The following FOXO3 variants were observed in gnomAD, a reference collection of about 807,000 sequenced individuals.
The protein encoded by FOXO3 is forkhead box O3, also known as forkhead box protein O3.
In FOXO3, 4 loss-of-function variants were observed where a neutral mutation model predicts 41.9. The ratio of observed to expected loss-of-function variants is 0.10; its 90% CI spans 0.05 to 0.22. The LOEUF is 0.22. FOXO3 is among the 10% of genes least tolerant of loss of function. The pLI is 1.00. For synonymous variants in FOXO3, 318 were observed against 389.3 expected (o/e 0.82, Z 2.16); for missense variants, 534 against 906.8 (o/e 0.59, Z 5.28).
intron 1 of FOXO3, among the ~76,000 whole-genome samples, chr6:108,659,315 G>T (rs7751752): frequency 0.035 from 5,313 of 152,170 alleles, 313 homozygotes; most frequent in African/African-American, 0.12. Context: ...TCTTAAATGT[G>T]AAATGATTCT....
At chr6:108,677,587 C>T (rs1770663778) in intron 2 of FOXO3, among the ~76,000 whole-genome samples, 1 of 152,194 alleles carries the variant, frequency 6.6e-6, no homozygotes. Context: ...TAGTACTTTA[C>T]AGCTTCTCCC....
rs574058187 is a variant in FOXO3 at position 108,663,921 on chromosome 6, C to T, written c.1088C>T (p.Thr363Met). The change falls in exon 2 of 3, where the codon ACG becomes ATG. Residue 363 changes from threonine to methionine, a missense_variant. Physicochemically the swap from Thr to Met is moderately conservative, Grantham distance 81. Around this residue, in one of 8 missense-constraint regions of FOXO3, gnomAD observed 185 missense variants for 224.9 expected, o/e 0.82. Transcript: ENST00000406360. The stretch of plus-strand genomic sequence containing the variant: ...TCACCTTCAGTAAGCAAGCCGTGCA[C>T]GGTGGAACTGCCACGGCTGACTGAT... ...SLSPSVSKPC[T>M]VELPRLTDMA... 5.1e-5 allele frequency: 82 copies of T among 1,614,216 alleles called. 1 individual carries two copies. The East Asian group carries it at 1.2e-3, about 23-fold the overall frequency.
At position 108,663,611 on chromosome 6, in the gene FOXO3, T is replaced by C. The variant is rs1483153826; in HGVS notation, c.778T>C (p.Tyr260His). The change falls in exon 2 of 3, where the codon TAT becomes CAT. Residue 260 changes from tyrosine (Y) to histidine (H), a missense_variant. Coordinates refer to ENST00000406360, the MANE Select transcript of FOXO3 (RefSeq NM_001455.4). ...TGTCTCCATGGACAATAGCAACAAG[T>C]ATACCAAGAGCCGTGGCCGCGCAGC... ...RAVSMDNSNK[Y>H]TKSRGRAAKK... The C allele has an allele frequency of 1.2e-6, 2 of 1,613,448 alleles. No homozygotes were observed. The highest frequency in any genetic ancestry group is 1.1e-5 in the South Asian group (1 of 91,048).
intron 1 of FOXO3, among the ~76,000 whole-genome samples, chr6:108,573,130 C>CA (rs1455635190): frequency 6.6e-6 from 1 of 151,982 alleles, no homozygotes; most frequent in Non-Finnish European, 1.5e-5. Flanking sequence ...ACTAAAAATA[C>CA]AAAAAAATTA....
At chr6:108,659,250 A>C (rs1582823414) in intron 1 of FOXO3, among the ~76,000 whole-genome samples, 1 of 152,188 alleles carries the variant, frequency 6.6e-6, no homozygotes, top group Non-Finnish European at 1.5e-5. Context: ...AATACCCGTA[A>C]CTATTTCATA....
intron 1 of FOXO3, among the ~76,000 whole-genome samples, chr6:108,659,206 TA>T (rs913149412): frequency 1.3e-5 from 2 of 151,928 alleles, no homozygotes; most frequent in African/African-American, 2.4e-5. Context: ...TTTAAAATCT[TA>T]AAAAAAAATT....
intron 1 of FOXO3, among the ~76,000 whole-genome samples, chr6:108,596,382 G>GAAAAAAAAAAAAAAA (rs61683111): frequency 1.7e-5 from 1 of 58,294 alleles, no homozygotes. Flanking sequence ...TGGCCTAAAT[G>GAAAAAAAAAAAAAAA]AAAAAAAAAA....
chr6:108,594,705 A>G (rs1776828314), intron 1 of FOXO3, among the ~76,000 whole-genome samples: 1 of 152,198 alleles, frequency 6.6e-6, no homozygotes, highest in Non-Finnish European at 1.5e-5. Context: ...CTTGTGCCCC[A>G]TGGCCCTGTG....
intron 1 of FOXO3, among the ~76,000 whole-genome samples, chr6:108,659,127 C>T (rs888948692): frequency 2.6e-5 from 4 of 152,040 alleles, no homozygotes; most frequent in African/African-American, 9.7e-5. Flanking sequence ...TCAAGCGATC[C>T]GTCTGCCTCA....
chr6:108,670,884 C>T (rs1203642637), intron 2 of FOXO3, among the ~76,000 whole-genome samples: 1 of 152,128 alleles, frequency 6.6e-6, no homozygotes, highest in Non-Finnish European at 1.5e-5. Context: ...GTGGTAGGCC[C>T]GTGTTGGTAG....
intron 1 of FOXO3, among the ~76,000 whole-genome samples, chr6:108,592,333 TGTG>T (rs990311578): frequency 8.5e-5 from 13 of 152,352 alleles, no homozygotes; most frequent in Non-Finnish European, 1.9e-4. Flanking sequence ...TAGAAAAGGC[TGTG>T]GTTGGAATTT....
chr6:108,684,638 A>G lies in FOXO3; in HGVS notation c.*4846A>G, dbSNP rs1160948651. The G allele has an allele frequency of 6.5e-6, 1 of 152,672 alleles. No homozygotes were observed. The allele number at this position is 152,672 out of a possible 1,614,324, so 9.5% of individuals were successfully genotyped here. A position where few individuals can be genotyped will look rare whatever the true frequency, so the allele number is the denominator to read the frequency against. The stretch of plus-strand genomic sequence containing the variant: ...TGATTTGGGAATCTTCCCCTTTCCA[A>G]ATGAAATAGAGATGCAGTACTTAAC... On this transcript the variant is annotated 3_prime_UTR_variant, in exon 3 of 3. Transcript: ENST00000406360.
rs1160318580 is a variant in FOXO3, at chr6:108,681,685, T to A, written c.*1893T>A. The A allele has an allele frequency of 1.3e-5, 2 of 152,166 alleles. No individual in the cohort carries two copies. Among genetic ancestry groups the A allele is most frequent in the Non-Finnish European group, 2.9e-5 (2 of 68,004 alleles). 9.4% of individuals were successfully genotyped at this position (152,166 alleles called of 1,614,324 possible). On this transcript the variant is annotated 3_prime_UTR_variant, in exon 3 of 3. Coordinates refer to ENST00000406360, the MANE Select transcript of FOXO3 (RefSeq NM_001455.4). Reference sequence around the variant, plus strand: ...CTGTAAATTGTTGTGCAATTGTGGTTATAGTAGACTGTAGCACATTGCCTT... The same window carrying A: ...CTGTAAATTGTTGTGCAATTGTGGTAATAGTAGACTGTAGCACATTGCCTT...
intron 1 of FOXO3, among the ~76,000 whole-genome samples, chr6:108,650,278 C>T (rs1444814748): frequency 6.6e-6 from 1 of 152,112 alleles, no homozygotes; most frequent in East Asian, 1.9e-4. Context: ...AGTGGGCTCA[C>T]CCTCCAACTC....
chr6:108,665,027 C>T (rs551435477), intron 2 of FOXO3, 138 bp downstream of exon 2: 85 of 948,290 alleles, frequency 9.0e-5, no homozygotes, highest in Non-Finnish European at 1.3e-4. Context: ...ATATGGCTCC[C>T]AGCCAGTTCC....
intron 1 of FOXO3, among the ~76,000 whole-genome samples, chr6:108,639,188 T>C (rs1022368037): frequency 6.6e-6 from 1 of 152,226 alleles, no homozygotes; most frequent in African/African-American, 2.4e-5. Context: ...TTCTCCTTTC[T>C]GGCCCTGCCT....
intron 2 of FOXO3, among the ~76,000 whole-genome samples, chr6:108,671,002 G>T (rs1036876723): frequency 3.9e-5 from 6 of 152,218 alleles, no homozygotes; most frequent in Admixed American, 2.0e-4. Context: ...TAAAGAATGC[G>T]TGGCCTAGTG....
chr6:108,610,503 T>C (rs983382139), intron 1 of FOXO3, among the ~76,000 whole-genome samples: 1 of 152,210 alleles, frequency 6.6e-6, no homozygotes. Context: ...GAAAAAACAG[T>C]GGAGCTTTCT....
At chr6:108,627,464 T>G (rs1384188508) in intron 1 of FOXO3, among the ~76,000 whole-genome samples, 1 of 151,576 alleles carries the variant, frequency 6.6e-6, no homozygotes, top group Non-Finnish European at 1.5e-5. Flanking sequence ...AAGGATAAAA[T>G]AAAAGAAACA....
Sources: gnomAD v4.1 joint callset for allele counts (sites outside exome capture counted in the v4.1 genomes callset) on GRCh38, gnomAD v4.1.1 for gene constraint, gnomAD v4.1.1 regional missense constraint, MANE v1.5 for transcripts, NCBI Gene and HGNC (gene_info 2026-07-23, HGNC 2026-07-21) for gene names.